Variants in CACNA2D1 observed in about 807,000 individuals in gnomAD.
CACNA2D1 encodes the protein calcium voltage-gated channel auxiliary subunit alpha2delta 1, also known as voltage-dependent calcium channel subunit alpha-2/delta-1.
In CACNA2D1, 53 loss-of-function variants were observed where a neutral mutation model predicts 171.5. That is an observed-to-expected ratio of 0.31 (90% CI 0.25 to 0.39). The LOEUF is 0.39. Ranked by LOEUF, CACNA2D1 falls within the 10% of genes least tolerant of loss-of-function variation. The probability of loss-of-function intolerance (pLI) is 1.00; values close to 1 mark genes in which losing one functional copy is unlikely to be tolerated. For missense variants in CACNA2D1, 903 were observed against 1,299.8 expected (o/e 0.69, Z 4.69); for synonymous variants, 442 against 443.1 (o/e 1.00, Z 0.03).
intron 4 of CACNA2D1, among the ~76,000 whole-genome samples, chr7:82,165,936 T>C (rs1795412918): frequency 6.6e-6 from 1 of 152,022 alleles, no homozygotes; most frequent in Non-Finnish European, 1.5e-5. Flanking sequence ...ACGCTCTCAC[T>C]TTTTATCCCT....
intron 3 of CACNA2D1, among the ~76,000 whole-genome samples, chr7:82,306,737 T>C (rs141664828): frequency 1.2e-3 from 184 of 152,282 alleles, no homozygotes; most frequent in African/African-American, 3.9e-3. Flanking sequence ...ACCTGGAAAG[T>C]TATCTCTGGG....
intron 3 of CACNA2D1, among the ~76,000 whole-genome samples, chr7:82,246,613 G>T (rs760493905): frequency 6.6e-6 from 1 of 152,070 alleles, no homozygotes; most frequent in Non-Finnish European, 1.5e-5. Flanking sequence ...AGGGTAGGGG[G>T]CTAAGAGAAG....
chr7:82,014,879 C>A (rs561872633), intron 12 of CACNA2D1, among the ~76,000 whole-genome samples: 2 of 152,046 alleles, frequency 1.3e-5, no homozygotes, highest in East Asian at 3.9e-4. Flanking sequence ...CATGGTGAAA[C>A]CCCGTTTGTA....
intron 11 of CACNA2D1, among the ~76,000 whole-genome samples, chr7:82,035,806 C>G (rs2193926): frequency 0.47 from 72,025 of 151,988 alleles, 19,337 homozygotes; most frequent in East Asian, 0.6. Flanking sequence ...CAAAAACAAC[C>G]ATATTCCTTT....
intron 22 of CACNA2D1, 82 bp from the exon 23 acceptor site, chr7:81,983,416 A>G (rs1796638273): frequency 1.1e-5 from 11 of 982,666 alleles, no homozygotes; most frequent in Non-Finnish European, 1.8e-5. Context: ...ACAATATTTT[A>G]TTCAATGACT....
intron 10 of CACNA2D1, among the ~76,000 whole-genome samples, chr7:82,042,070 A>G (rs866458828): frequency 6.6e-6 from 1 of 152,198 alleles, no homozygotes; most frequent in African/African-American, 2.4e-5. Context: ...TCAGTAGTGT[A>G]TAACAGAATT....
In CACNA2D1 at chr7:81,950,330, G is replaced by C. The variant is rs561652573; in HGVS notation, c.*62C>G. The C allele has an allele frequency of 7.4e-6, 12 of 1,612,414 alleles. No individual in the cohort carries two copies. In the South Asian group the frequency reaches 1.3e-4, roughly 18 times the overall value. On this transcript the variant is annotated 3_prime_UTR_variant, in exon 39 of 39. Coordinates refer to ENST00000356860, the MANE Select transcript of CACNA2D1 (RefSeq NM_000722.4). The stretch of plus-strand genomic sequence containing the variant: ...GCTGACCCTACGTTACTGTAATTGA[G>C]GGCAGGGCTCATGTTTTGGCAGGGT...
At chr7:82,061,672 C>A (rs1321183907) in intron 9 of CACNA2D1, among the ~76,000 whole-genome samples, 1 of 152,092 alleles carries the variant, frequency 6.6e-6, no homozygotes, top group African/African-American at 2.4e-5. Context: ...GCCAGTCATG[C>A]CAGACAGGAG....
At chr7:82,337,093 C>T (rs1818089748) in intron 2 of CACNA2D1, among the ~76,000 whole-genome samples, 1 of 152,052 alleles carries the variant, frequency 6.6e-6, no homozygotes, top group Admixed American at 6.6e-5. Flanking sequence ...AGTATCTTCT[C>T]AAATATATAA....
At chr7:82,024,383 A>G (rs1007688836) in intron 12 of CACNA2D1, among the ~76,000 whole-genome samples, 2 of 151,554 alleles carry the variant, frequency 1.3e-5, no homozygotes, top group Non-Finnish European at 3.0e-5. Context: ...GTTTTGATTT[A>G]TATTTCCCTG....
intron 3 of CACNA2D1, among the ~76,000 whole-genome samples, chr7:82,198,401 C>A (rs1350507741): frequency 1.3e-5 from 2 of 152,100 alleles, no homozygotes; most frequent in African/African-American, 4.8e-5. Flanking sequence ...AAAATGGACT[C>A]ATGGAGCCTT....
At chr7:82,177,432 T>C (rs1397112537) in intron 3 of CACNA2D1, among the ~76,000 whole-genome samples, 1 of 152,098 alleles carries the variant, frequency 6.6e-6, no homozygotes, top group Non-Finnish European at 1.5e-5. Flanking sequence ...ACAAGTTTCA[T>C]GAGGAATGAT....
intron 28 of CACNA2D1, among the ~76,000 whole-genome samples, chr7:81,969,185 G>A (rs888429977): frequency 1.3e-5 from 2 of 151,208 alleles, no homozygotes; most frequent in Non-Finnish European, 3.0e-5. Context: ...AATTGATTCG[G>A]GGACATTAAT....
intron 1 of CACNA2D1, among the ~76,000 whole-genome samples, chr7:82,421,162 G>GT (rs1828682798): frequency 6.6e-6 from 1 of 152,092 alleles, no homozygotes; most frequent in East Asian, 1.9e-4. Flanking sequence ...AGAATCTAAT[G>GT]TTCTAAGGAG....
At chr7:82,304,484 G>C (rs1382776475) in intron 3 of CACNA2D1, among the ~76,000 whole-genome samples, 3 of 152,038 alleles carry the variant, frequency 2.0e-5, no homozygotes, top group African/African-American at 7.2e-5. Context: ...TAAAGAAAAT[G>C]TGGTAGCATA....
In CACNA2D1 at chr7:82,236,925, G is replaced by A. The variant is rs547870980; in HGVS notation, c.295-66316C>T. On this transcript the variant is annotated intron_variant, in intron 3 of 38. Coordinates refer to ENST00000356860, the MANE Select transcript of CACNA2D1 (RefSeq NM_000722.4). Reference sequence around the variant, plus strand: ...AAATAATAAATAATCCAATTACTAGGAACTTACTAAAGAGACTCTCCTTCC... The same window carrying A: ...AAATAATAAATAATCCAATTACTAGAAACTTACTAAAGAGACTCTCCTTCC... 2.5e-4 allele frequency among the ~76,000 whole-genome samples: 38 copies of A among 151,818 alleles called. No homozygotes were observed. In the South Asian group the frequency reaches 5.2e-3, roughly 21 times the overall value.
chr7:82,417,722 G>T (rs77818663), intron 1 of CACNA2D1, among the ~76,000 whole-genome samples: 1 of 152,118 alleles, frequency 6.6e-6, no homozygotes, highest in Non-Finnish European at 1.5e-5. Flanking sequence ...ATGATAGTAG[G>T]TATAGAATAC....
intron 29 of CACNA2D1, among the ~76,000 whole-genome samples, chr7:81,968,232 A>T (rs1307898144): frequency 6.6e-6 from 1 of 151,334 alleles, no homozygotes; most frequent in Non-Finnish European, 1.5e-5. Context: ...GGCTCAAAAT[A>T]CTCTCCTTTA....
At chr7:82,081,794 G>A (rs936639345) in intron 7 of CACNA2D1, among the ~76,000 whole-genome samples, 7 of 152,106 alleles carry the variant, frequency 4.6e-5, no homozygotes, top group South Asian at 2.1e-4. Context: ...GTCAGCACCC[G>A]GCCTGCACTC....
Sources: gnomAD v4.1 joint callset for allele counts (sites outside exome capture counted in the v4.1 genomes callset) on GRCh38, gnomAD v4.1.1 for gene constraint, MANE v1.5 for transcripts, NCBI Gene and HGNC (gene_info 2026-07-23, HGNC 2026-07-21) for gene names.